NYAP2: variants seen among roughly 807,000 people sequenced by gnomAD.
NYAP2 encodes neuronal tyrosine-phosphorylated phosphoinositide-3-kinase adapter 2.
A neutral mutation model predicts 50.4 loss-of-function variants in NYAP2; 23 were observed. The observed-to-expected ratio is 0.46, with a 90% confidence interval of 0.33 to 0.65. NYAP2 has a LOEUF of 0.65. Ranked by LOEUF, NYAP2 falls within the 30% of genes least tolerant of loss-of-function variation. The pLI is 0.02. For synonymous variants in NYAP2, 394 were observed against 365.2 expected, an observed-to-expected ratio of 1.08 and a Z score of -0.90; for missense variants, 885 against 861.0, an observed-to-expected ratio of 1.03 and a Z score of -0.35.
intron 3 of NYAP2, among the ~76,000 whole-genome samples, chr2:225,423,805 G>A (rs1053504324): frequency 1.3e-5 from 2 of 152,072 alleles, no homozygotes; most frequent in Non-Finnish European, 2.9e-5. Flanking sequence ...AGAATGCAAC[G>A]TATTCTGGCA....
At chr2:225,446,106 G>A (rs1477098019) in intron 3 of NYAP2, among the ~76,000 whole-genome samples, 2 of 151,542 alleles carry the variant, frequency 1.3e-5, no homozygotes, top group African/African-American at 2.4e-5. Flanking sequence ...ATTCGAACCC[G>A]GGAGGCGGAG....
the NYAP2 span, among the ~76,000 whole-genome samples, chr2:225,679,208 G>GA: frequency 4.6e-3 from 677 of 148,742 alleles, 9 homozygotes; most frequent in African/African-American, 0.015. Context: ...CTTTATTTGA[G>GA]AAAAAAAAGG....
At chr2:225,600,538 T>A (rs1176352673) in intron 5 of NYAP2, among the ~76,000 whole-genome samples, 1 of 152,200 alleles carries the variant, frequency 6.6e-6, no homozygotes, top group African/African-American at 2.4e-5. Context: ...CAAAGTTAGT[T>A]CATCTTACAC....
At position 225,582,249 on chromosome 2, in the gene NYAP2, G is replaced by T. The variant is rs771754012; in HGVS notation, c.832G>T (p.Asp278Tyr). Residue 278 changes from aspartate to tyrosine, a missense_variant, in exon 5 of 7, where the codon GAC becomes TAC. Coordinates refer to ENST00000636099, the Ensembl canonical transcript of NYAP2. The surrounding 1 kb of genome is among the most constrained non-coding windows in gnomAD (Gnocchi z 7.0). ...GGAAATGAAGTACCCTATCTTTGAC[G>T]ACTTGGGCCAAGACGCCAAATGTGA... 1.2e-6 allele frequency: 2 copies of T among 1,614,004 alleles called. No individual in the cohort carries two copies. Among genetic ancestry groups the T allele is most frequent in the South Asian group, 1.1e-5 (1 of 91,084 alleles).
At chr2:225,417,921 T>C (rs1450905723) in intron 3 of NYAP2, among the ~76,000 whole-genome samples, 1 of 151,970 alleles carries the variant, frequency 6.6e-6, no homozygotes, top group African/African-American at 2.4e-5. Context: ...AGTTACAATC[T>C]GGTAGGGGGT....
chr2:225,483,062 T>A (rs1690232418), intron 3 of NYAP2, among the ~76,000 whole-genome samples: 1 of 152,214 alleles, frequency 6.6e-6, no homozygotes, highest in African/African-American at 2.4e-5. Context: ...GTAATTTATA[T>A]CCAGGTGATG....
At chr2:225,419,214 A>C (rs528504792) in intron 3 of NYAP2, among the ~76,000 whole-genome samples, 1 of 152,350 alleles carries the variant, frequency 6.6e-6, no homozygotes, top group East Asian at 1.9e-4. Flanking sequence ...GAAGGAAGAT[A>C]AAAGGCAGAT....
At chr2:225,446,531 A>C (rs1689568388) in intron 3 of NYAP2, among the ~76,000 whole-genome samples, 1 of 151,970 alleles carries the variant, frequency 6.6e-6, no homozygotes, top group African/African-American at 2.4e-5. Flanking sequence ...GTTATATAGA[A>C]AGGAATATGA....
At chr2:225,428,695 G>A in intron 3 of NYAP2, among the ~76,000 whole-genome samples, 1 of 152,198 alleles carries the variant, frequency 6.6e-6, no homozygotes. Flanking sequence ...AGAGATTTCT[G>A]TGTATTCTGG....
chr2:225,664,053 C>T, the NYAP2 span, among the ~76,000 whole-genome samples: 1,649 of 152,212 alleles, frequency 0.011, 10 homozygotes, highest in Non-Finnish European at 0.016. Context: ...CTTCCCTGTA[C>T]TTACTGTCAT....
chr2:225,504,241 T>G (rs1052617682), intron 3 of NYAP2, among the ~76,000 whole-genome samples: 15 of 152,150 alleles, frequency 9.9e-5, no homozygotes, highest in African/African-American at 3.1e-4. Context: ...TGCTTCGTGG[T>G]TCATTGATGG....
chr2:225,649,679 TTGTTTAATGTCTA>T (rs1693696956), intron 6 of NYAP2, among the ~76,000 whole-genome samples: 1 of 152,208 alleles, frequency 6.6e-6, no homozygotes, highest in African/African-American at 2.4e-5. Flanking sequence ...CCATCATTTG[TTGTTTAATGTCTA>T]TGTTTAGTGC....
At chr2:225,560,752 G>A (rs1346803066) in intron 4 of NYAP2, among the ~76,000 whole-genome samples, 4 of 152,088 alleles carry the variant, frequency 2.6e-5, no homozygotes, top group African/African-American at 9.7e-5. Flanking sequence ...CAAAACTATA[G>A]GGGCTTGGGG....
At chr2:225,555,885 A>C (rs940716499) in intron 4 of NYAP2, among the ~76,000 whole-genome samples, 7 of 152,196 alleles carry the variant, frequency 4.6e-5, no homozygotes, top group Non-Finnish European at 5.9e-5. Context: ...GGCATTGAAC[A>C]TCTAAATATT....
chr2:225,566,029 G>A (rs1342356619), intron 4 of NYAP2, among the ~76,000 whole-genome samples: 2 of 152,078 alleles, frequency 1.3e-5, no homozygotes, highest in African/African-American at 4.8e-5. Context: ...TCTGCCACTT[G>A]GACAAGTAAT....
chr2:225,489,288 T>C (rs1690363154), intron 3 of NYAP2, among the ~76,000 whole-genome samples: 1 of 152,022 alleles, frequency 6.6e-6, no homozygotes, highest in South Asian at 2.1e-4. Context: ...TCACCTCCTG[T>C]GTTCAAGCAA....
intron 3 of NYAP2, among the ~76,000 whole-genome samples, chr2:225,488,755 T>C (rs1414547330): frequency 6.6e-6 from 1 of 152,218 alleles, no homozygotes; most frequent in Non-Finnish European, 1.5e-5. Context: ...CAGGTGGGTT[T>C]CCCTTTGGCT....
intron 5 of NYAP2, among the ~76,000 whole-genome samples, chr2:225,613,912 C>A (rs979341868): frequency 6.6e-6 from 1 of 152,134 alleles, no homozygotes; most frequent in Admixed American, 6.5e-5. Flanking sequence ...CGTAGACACT[C>A]TCCGAAATGT....
chr2:225,512,727 CTCTTCCTTCCTTTTTTCGTT>C (rs1690843089), intron 3 of NYAP2, among the ~76,000 whole-genome samples: 1 of 130,104 alleles, frequency 7.7e-6, no homozygotes, highest in African/African-American at 2.8e-5. Context: ...TTCTTTCTTT[CTCTTCCTTCCTTTTTTCGTT>C]TTTCTTTCTT....
Sources: allele counts gnomAD v4.1 joint callset (sites outside exome capture counted in the v4.1 genomes callset), GRCh38; gene constraint gnomAD v4.1.1; non-coding constraint Gnocchi (gnomAD v3.1); transcripts MANE v1.5; gene names NCBI Gene and HGNC (gene_info 2026-07-23, HGNC 2026-07-21).